The following FXR1 variants were observed in gnomAD, a reference collection of about 807,000 sequenced individuals.
The protein encoded by FXR1 is RNA-binding protein FXR1.
In FXR1, 15 loss-of-function variants were observed where a neutral mutation model predicts 84.0. That is an observed-to-expected ratio of 0.18 (90% CI 0.12 to 0.27). The LOEUF (loss-of-function observed/expected upper bound fraction) is 0.27. Among genes scored for constraint, FXR1 ranks in the 10% least tolerant of loss-of-function variants. The pLI is 1.00. For missense variants in FXR1, 480 were observed against 774.4 expected, an observed-to-expected ratio of 0.62 and a Z score of 4.51; for synonymous variants, 245 against 250.7, an observed-to-expected ratio of 0.98 and a Z score of 0.21.
At chr3:180,939,332 G>A (rs1720875975) in intron 3 of FXR1, among the ~76,000 whole-genome samples, 1 of 151,984 alleles carries the variant, frequency 6.6e-6, no homozygotes, top group Non-Finnish European at 1.5e-5. Flanking sequence ...GTAATTTTTT[G>A]GTCAATAAAC....
chr3:180,922,947 G>T (rs1349979319), intron 1 of FXR1, among the ~76,000 whole-genome samples: 4 of 151,916 alleles, frequency 2.6e-5, no homozygotes, highest in African/African-American at 9.7e-5. Flanking sequence ...TTCTTATATT[G>T]CTGGTCATAG....
At chr3:180,961,718 A>G (rs936991234) in intron 11 of FXR1, among the ~76,000 whole-genome samples, 164 bp downstream of exon 11, 2 of 152,164 alleles carry the variant, frequency 1.3e-5, no homozygotes, top group Admixed American at 1.3e-4. Context: ...CAGATTTGCC[A>G]TTGTTCTACA....
rs1355847701 is a variant in FXR1 at position 180,961,362 on chromosome 3, AAAAAAG to A, written c.991-105_991-100del. 7.0e-4 allele frequency: 284 copies of A among 404,830 alleles called. 3 individuals are homozygous for A. Among genetic ancestry groups the A allele is most frequent in the South Asian group, 2.0e-3 (50 of 25,368 alleles). 25.1% of individuals were successfully genotyped at this position (404,830 alleles called of 1,614,324 possible). On this transcript the variant is annotated intron_variant, in intron 10 of 16. Transcript: ENST00000357559. ...CTCAAAAAAAAAAAAAAAAAAAAAAAAAAAAGGTGTGTGTGTGTGTGCCTGCCTGTC... is the reference window on the plus strand; with the variant it reads ...CTCAAAAAAAAAAAAAAAAAAAAAAAGTGTGTGTGTGTGTGCCTGCCTGTC...
chr3:180,962,630 T>C (rs938037751), intron 11 of FXR1, among the ~76,000 whole-genome samples: 3 of 152,166 alleles, frequency 2.0e-5, no homozygotes, highest in South Asian at 4.1e-4. Context: ...ATCCCCTTGA[T>C]TGGGGAGAGT....
At chr3:180,927,303 A>C (rs1040118276) in intron 1 of FXR1, among the ~76,000 whole-genome samples, 1 of 152,004 alleles carries the variant, frequency 6.6e-6, no homozygotes, top group African/African-American at 2.4e-5. Flanking sequence ...GGGGCTATAT[A>C]AGATGTGTAT....
chr3:180,916,685 G>T (rs952395174), intron 1 of FXR1, among the ~76,000 whole-genome samples: 3 of 152,178 alleles, frequency 2.0e-5, no homozygotes, highest in Non-Finnish European at 4.4e-5. Flanking sequence ...GGGATTACAG[G>T]TGTGAGCCAC....
intron 3 of FXR1, among the ~76,000 whole-genome samples, chr3:180,940,580 G>GTTTTGTTTT (rs746815811): frequency 0.01 from 1,466 of 145,850 alleles, 33 homozygotes; most frequent in African/African-American, 0.037. Flanking sequence ...GTTTTTTTCT[G>GTTTTGTTTT]TTTTCTTTTT....
At chr3:180,937,631 A>G (rs943361341) in intron 3 of FXR1, among the ~76,000 whole-genome samples, 2 of 152,132 alleles carry the variant, frequency 1.3e-5, no homozygotes, top group Non-Finnish European at 2.9e-5. Flanking sequence ...TGAAAAATTT[A>G]AAAATTAATA....
intron 13 of FXR1, among the ~76,000 whole-genome samples, chr3:180,963,718 G>A (rs1712436592): frequency 6.6e-6 from 1 of 152,040 alleles, no homozygotes; most frequent in South Asian, 2.1e-4. Flanking sequence ...TGTGAGGATT[G>A]GGTCTAACCC....
At chr3:180,929,763 G>A (rs537200487) in intron 1 of FXR1, among the ~76,000 whole-genome samples, 2 of 152,322 alleles carry the variant, frequency 1.3e-5, no homozygotes, top group East Asian at 3.9e-4. Flanking sequence ...ACATTTAAAA[G>A]TATTGACTGT....
At chr3:180,933,487 T>C in intron 2 of FXR1, 101 bp downstream of exon 2, 1 of 718,718 alleles carries the variant, frequency 1.4e-6, no homozygotes. Context: ...TGATTTTGCT[T>C]TTAGGGAGTG....
At chr3:180,975,458 T>C (rs1158017332) in intron 16 of FXR1, 54 bp downstream of exon 16, 10 of 692,304 alleles carry the variant, frequency 1.4e-5, no homozygotes, top group Non-Finnish European at 2.2e-5. Context: ...TGGTATGGTT[T>C]AGCTTTATTT....
Position 180,976,165 on chromosome 3 carries a change from T to A in FXR1, c.1739T>A (p.Ile580Lys), listed in dbSNP as rs548207988. Residue 580 changes from isoleucine to lysine, a missense_variant, in exon 17 of 17, where the codon ATA becomes AAA. Ile to Lys is a moderately radical substitution (Grantham distance 102). Transcript: ENST00000357559. ...IEEHGPSEKAINGPTSASGDD... is the reference protein window; with the variant it reads ...IEEHGPSEKAKNGPTSASGDD... ...GAGCATGGTCCTTCAGAAAAGGCAATAAACGGCCCAACTAGTGCTTCTGGC... is the reference window on the plus strand; with the variant it reads ...GAGCATGGTCCTTCAGAAAAGGCAAAAAACGGCCCAACTAGTGCTTCTGGC... 1.9e-5 allele frequency: 30 copies of A among 1,613,450 alleles called. No homozygotes were observed. Among genetic ancestry groups the A allele is most frequent in the East Asian group, 1.6e-4 (7 of 44,846 alleles).
chr3:180,924,032 C>T (rs1175607217), intron 1 of FXR1, among the ~76,000 whole-genome samples: 1 of 152,120 alleles, frequency 6.6e-6, no homozygotes, highest in East Asian at 1.9e-4. Context: ...GGTCTTGGCC[C>T]ACTGAAACCT....
At chr3:180,973,865 C>T (rs903724886) in intron 15 of FXR1, among the ~76,000 whole-genome samples, 7 of 152,054 alleles carry the variant, frequency 4.6e-5, no homozygotes, top group South Asian at 2.1e-4. Flanking sequence ...AATTAAGAAA[C>T]GTGAATTGTA....
At chr3:180,912,879 C>G (rs1280938711) in intron 1 of FXR1, 143 bp downstream of exon 1, 2 of 1,448,588 alleles carry the variant, frequency 1.4e-6, no homozygotes, top group Non-Finnish European at 1.9e-6. Flanking sequence ...TTGCTTCTCC[C>G]CCCTCCACCC....
chr3:180,925,533 G>A (rs1719072336), intron 1 of FXR1, among the ~76,000 whole-genome samples: 2 of 152,134 alleles, frequency 1.3e-5, no homozygotes, highest in South Asian at 4.1e-4. Context: ...TCGTTGGTTT[G>A]CTGACTGAAA....
chr3:180,953,727 C>T (rs1203168780), intron 8 of FXR1, 35 bp from the exon 9 acceptor site: 2 of 1,030,900 alleles, frequency 1.9e-6, no homozygotes, highest in Admixed American at 2.2e-5. Context: ...GAGATTGAAA[C>T]AGGATTTCAT....
intron 4 of FXR1, 39 bp from the exon 5 acceptor site, chr3:180,948,308 G>C (rs762685313): frequency 4.1e-6 from 6 of 1,452,422 alleles, no homozygotes; most frequent in Non-Finnish European, 4.8e-6. Flanking sequence ...CATTATTTTT[G>C]TTCAGATGGG....
Sources: allele counts gnomAD v4.1 joint callset (sites outside exome capture counted in the v4.1 genomes callset), GRCh38; gene constraint gnomAD v4.1.1; transcripts MANE v1.5; gene names NCBI Gene and HGNC (gene_info 2026-07-23, HGNC 2026-07-21).